ARMC1: variants seen among roughly 807,000 people sequenced by gnomAD.
ARMC1 encodes armadillo repeat containing 1, also known as armadillo repeat-containing protein 1.
A neutral mutation model predicts 31.4 loss-of-function variants in ARMC1; 16 were observed. That is an observed-to-expected ratio of 0.51 (90% CI 0.34 to 0.77). The LOEUF (loss-of-function observed/expected upper bound fraction) is 0.77. ARMC1 is among the 30% of genes least tolerant of loss of function. The pLI, the probability that ARMC1 is intolerant of heterozygous loss-of-function variation, is 0.01. For missense variants in ARMC1, 259 were observed against 347.5 expected (o/e 0.75, Z 2.02); for synonymous variants, 114 against 118.9 (o/e 0.96, Z 0.27).
intron 1 of ARMC1, 21 bp from the exon 2 acceptor site, chr8:65,627,454 A>G: frequency 7.0e-7 from 1 of 1,435,686 alleles, no homozygotes; most frequent in Non-Finnish European, 9.3e-7. Context: ...GGTTTGCAGA[A>G]TTAGTTCTAG....
intron 3 of ARMC1, among the ~76,000 whole-genome samples, chr8:65,616,453 G>A (rs1257197661): frequency 6.6e-6 from 1 of 152,248 alleles, no homozygotes; most frequent in Admixed American, 6.5e-5. Context: ...TGCCCAGGCT[G>A]GAGTGCAGTG....
Position 65,627,401 on chromosome 8 carries a change from T to C in ARMC1, c.-3A>G, listed in dbSNP as rs752575423. The C allele has an allele frequency of 6.4e-7, 1 of 1,567,238 alleles. No homozygotes were observed. Among genetic ancestry groups the C allele is most frequent in the South Asian group, 1.2e-5 (1 of 85,448 alleles). ...ATGGTGGAAGTGGAAGAATTCATCT[T>C]CTATGCCATGCACATGAATAAAATC... On this transcript the variant is annotated 5_prime_UTR_variant, in exon 2 of 7. Transcript: ENST00000276569.
rs1474245860 is a variant in ARMC1 at position 65,634,151 on chromosome 8, G to A, written c.-189C>T. 1 of 152,342 alleles carries A rather than the reference G, an allele frequency of 6.6e-6. No homozygotes were observed. Among genetic ancestry groups the A allele is most frequent in the Non-Finnish European group, 1.5e-5 (1 of 68,110 alleles). 9.4% of individuals were successfully genotyped at this position (152,342 alleles called of 1,614,324 possible). A position where few individuals can be genotyped will look rare whatever the true frequency, so the allele number is the denominator to read the frequency against. On this transcript the variant is annotated 5_prime_UTR_variant, in exon 1 of 7. Transcript: ENST00000276569. ...CCGGACTAACTCAGGGAGCCAAAGAGCGAAGGCGCTGGCGGGCAAAGGCTC... is the reference window on the plus strand; with the variant it reads ...CCGGACTAACTCAGGGAGCCAAAGAACGAAGGCGCTGGCGGGCAAAGGCTC...
chr8:65,617,360 C>A (rs1215890843), intron 3 of ARMC1, among the ~76,000 whole-genome samples: 1 of 152,184 alleles, frequency 6.6e-6, no homozygotes, highest in Non-Finnish European at 1.5e-5. Context: ...TGTGTCCACT[C>A]AGGGTTAAAT....
chr8:65,625,403 T>C (rs1808492112), intron 2 of ARMC1, among the ~76,000 whole-genome samples: 1 of 152,162 alleles, frequency 6.6e-6, no homozygotes, highest in Non-Finnish European at 1.5e-5. Context: ...ATTACCAAAC[T>C]AATCAGCCCT....
chr8:65,609,871 A>AAAGAAAAG (rs1808088800), intron 4 of ARMC1, among the ~76,000 whole-genome samples: 2 of 23,912 alleles, frequency 8.4e-5, no homozygotes, highest in South Asian at 1.0e-3. Flanking sequence ...AAAAAAAAAA[A>AAAGAAAAG]AAAAAGAAAA....
intron 2 of ARMC1, among the ~76,000 whole-genome samples, chr8:65,624,991 C>T (rs913320883): frequency 5.9e-5 from 9 of 152,124 alleles, no homozygotes; most frequent in African/African-American, 1.9e-4. Context: ...TGTGATGGTG[C>T]GGGCCTGTAA....
chr8:65,610,415 G>A (rs1006579906), intron 4 of ARMC1, among the ~76,000 whole-genome samples: 2 of 146,752 alleles, frequency 1.4e-5, no homozygotes, highest in African/African-American at 5.1e-5. Context: ...AAAATTTAAG[G>A]CCGGCTGCAG....
At chr8:65,623,589 C>T (rs1198814953) in intron 2 of ARMC1, among the ~76,000 whole-genome samples, 5 of 151,966 alleles carry the variant, frequency 3.3e-5, no homozygotes, top group East Asian at 1.9e-4. Context: ...GCCTGGGCGA[C>T]AGAGCAAGAC....
chr8:65,619,648 A>C (rs1172386540), intron 3 of ARMC1, among the ~76,000 whole-genome samples: 3 of 151,872 alleles, frequency 2.0e-5, no homozygotes, highest in Non-Finnish European at 4.4e-5. Context: ...GGAGTTCGAA[A>C]CCAGTCTAGG....
chr8:65,627,010 A>T (rs565927064), intron 2 of ARMC1, among the ~76,000 whole-genome samples: 150 of 151,674 alleles, frequency 9.9e-4, no homozygotes, highest in Middle Eastern at 6.8e-3. Context: ...CTCAAAAAAA[A>T]AAAAATAAAG....
intron 3 of ARMC1, among the ~76,000 whole-genome samples, chr8:65,614,687 T>C (rs1022273011): frequency 2.0e-5 from 3 of 152,234 alleles, no homozygotes; most frequent in Non-Finnish European, 4.4e-5. Context: ...GGGTTGACTA[T>C]GACACTTGGC....
intron 3 of ARMC1, among the ~76,000 whole-genome samples, chr8:65,614,657 T>C (rs1445806069): frequency 6.6e-6 from 1 of 152,220 alleles, no homozygotes; most frequent in African/African-American, 2.4e-5. Context: ...TCAGCTCATT[T>C]TGTCCTTCTA....
chr8:65,614,312 G>A (rs553742573), intron 3 of ARMC1, among the ~76,000 whole-genome samples: 1 of 152,152 alleles, frequency 6.6e-6, no homozygotes, highest in East Asian at 1.9e-4. Flanking sequence ...CAACATCTAG[G>A]GGACTGTGCT....
intron 3 of ARMC1, among the ~76,000 whole-genome samples, chr8:65,616,566 A>T (rs1585710177): frequency 6.7e-6 from 1 of 150,176 alleles, no homozygotes. Context: ...CCGTCTGGGA[A>T]GTGAGGAGCG....
chr8:65,633,105 G>A (rs1254807543), intron 1 of ARMC1: 1 of 152,218 alleles, frequency 6.6e-6, no homozygotes. Context: ...TGAGAAGCAA[G>A]CAGTTAGAAG....
intron 4 of ARMC1, among the ~76,000 whole-genome samples, chr8:65,611,780 CTTT>C (rs1166154141): frequency 6.9e-6 from 1 of 144,330 alleles, no homozygotes; most frequent in Non-Finnish European, 1.5e-5. Context: ...CTTTTTTTTT[CTTT>C]TTTTTTTTGA....
At chr8:65,615,866 G>A (rs1449134187) in intron 3 of ARMC1, among the ~76,000 whole-genome samples, 1 of 151,908 alleles carries the variant, frequency 6.6e-6, no homozygotes. Flanking sequence ...TTGCACTCCA[G>A]CGTGGGCAAC....
chr8:65,626,496 T>C (rs1808514353), intron 2 of ARMC1, among the ~76,000 whole-genome samples: 1 of 151,266 alleles, frequency 6.6e-6, no homozygotes, highest in Non-Finnish European at 1.5e-5. Flanking sequence ...GTTGTGGTGA[T>C]GGTGACACAC....
Sources: allele counts gnomAD v4.1 joint callset (sites outside exome capture counted in the v4.1 genomes callset), GRCh38; gene constraint gnomAD v4.1.1; transcripts MANE v1.5; gene names NCBI Gene and HGNC (gene_info 2026-07-23, HGNC 2026-07-21).